The following GLIS1 variants were observed in gnomAD, a reference collection of about 807,000 sequenced individuals.
GLIS1 encodes zinc finger protein GLIS1.
GLIS1 carries 24 observed loss-of-function variants against 63.8 expected under a neutral mutation model. That is an observed-to-expected ratio of 0.38 (90% CI 0.27 to 0.53). The LOEUF is 0.53. Ranked by LOEUF, GLIS1 falls within the 20% of genes least tolerant of loss-of-function variation. The pLI is 0.85. For synonymous variants in GLIS1, 450 were observed against 482.5 expected, an observed-to-expected ratio of 0.93 and a Z score of 0.88; for missense variants, 1,036 against 1,074.1, an observed-to-expected ratio of 0.96 and a Z score of 0.50.
intron 2 of GLIS1, among the ~76,000 whole-genome samples, chr1:53,663,394 G>T (rs922922009): frequency 2.6e-5 from 4 of 152,218 alleles, no homozygotes; most frequent in African/African-American, 9.6e-5. Context: ...GACGGCAAGC[G>T]AACGGCTCCT....
At chr1:53,521,202 T>A (rs146668459) in intron 6 of GLIS1, among the ~76,000 whole-genome samples, 55 of 152,252 alleles carry the variant, frequency 3.6e-4, no homozygotes, top group African/African-American at 1.3e-3. Context: ...CCTGCCACAC[T>A]CAGTCATTGC....
intron 8 of GLIS1, 128 bp from the exon 9 acceptor site, chr1:53,510,155 C>A (rs1391710305): frequency 4.5e-6 from 2 of 442,226 alleles, no homozygotes; most frequent in South Asian, 2.5e-4. Context: ...CTCCGACTTA[C>A]AATAGTTAGA....
In GLIS1 at chr1:53,594,170, C is replaced by T. The variant is rs1445483291; in HGVS notation, c.1258G>A (p.Ala420Thr). Residue 420 changes from alanine (A) to threonine (T), a missense_variant, in exon 4 of 11, where the codon GCC becomes ACC. By Grantham distance (58) the Ala-to-Thr change is moderately conservative. Coordinates refer to ENST00000628545, the MANE Select transcript of GLIS1 (RefSeq NM_001367484.1). The stretch of plus-strand genomic sequence containing the variant: ...ATGTGGATGAGCAGCTTGTAGCGGG[C>T]GTTGAAGGGCTTGTAGCGGCGCACG... ...GCVRRYKPFN[A>T]RYKLLIHMRV... The T allele has an allele frequency of 2.5e-6, 4 of 1,613,944 alleles. No individual in the cohort carries two copies. The highest frequency in any genetic ancestry group is 4.5e-5 in the East Asian group (2 of 44,872).
intron 8 of GLIS1, among the ~76,000 whole-genome samples, chr1:53,512,272 A>T (rs1644304847): frequency 6.6e-6 from 1 of 152,164 alleles, no homozygotes; most frequent in Non-Finnish European, 1.5e-5. Flanking sequence ...ATGATTCCTA[A>T]ATCAAATATT....
At position 53,688,121 on chromosome 1, in the gene GLIS1, C is replaced by G. The variant is rs529999793; in HGVS notation, c.259+49685G>C. 7.5e-4 allele frequency among the ~76,000 whole-genome samples: 115 copies of G among 152,344 alleles called. No individual in the cohort carries two copies. The Middle Eastern group carries it at 0.014, about 18-fold the overall frequency. ...GTTTCCTGCTCGGCAGGCTCTGGCCCTGTGTGTGGCGTGCTGACACCCGCT... is the reference window on the plus strand; with the variant it reads ...GTTTCCTGCTCGGCAGGCTCTGGCCGTGTGTGTGGCGTGCTGACACCCGCT... On this transcript the variant is annotated intron_variant, in intron 2 of 10. Transcript: ENST00000628545.
At chr1:53,722,730 G>A (rs1193986528) in intron 2 of GLIS1, among the ~76,000 whole-genome samples, 4 of 151,678 alleles carry the variant, frequency 2.6e-5, no homozygotes, top group African/African-American at 9.7e-5. Flanking sequence ...GCTACTGGAA[G>A]GCTGAGGCGG....
chr1:53,585,529 G>A (rs1253817689), intron 4 of GLIS1, among the ~76,000 whole-genome samples: 1 of 149,230 alleles, frequency 6.7e-6, no homozygotes, highest in Non-Finnish European at 1.5e-5. Context: ...AGAAATGGGG[G>A]ATGGGGAATG....
chr1:53,571,603 G>GTC (rs1378035327), intron 4 of GLIS1, among the ~76,000 whole-genome samples: 3 of 151,788 alleles, frequency 2.0e-5, no homozygotes, highest in Non-Finnish European at 4.4e-5. Flanking sequence ...TTGAGACAGA[G>GTC]TCTCACTCTG....
In GLIS1 at chr1:53,539,546, A is replaced by C. The variant is rs1383919662; in HGVS notation, c.1321-9594T>G. On this transcript the variant is annotated intron_variant, in intron 4 of 10. Coordinates refer to ENST00000628545, the MANE Select transcript of GLIS1 (RefSeq NM_001367484.1). The surrounding 1 kb of genome is among the most constrained non-coding windows in gnomAD (Gnocchi z 5.0). ...CACACACACATACCACACGGTATACACCCCCCCACACACACTACACATCAT... is the reference window on the plus strand; with the variant it reads ...CACACACACATACCACACGGTATACCCCCCCCCACACACACTACACATCAT... Among the ~76,000 whole-genome samples the C allele has an allele frequency of 3.4e-5, 5 of 146,346 alleles. No individual in the cohort carries two copies. Among genetic ancestry groups the C allele is most frequent in the South Asian group, 2.2e-4 (1 of 4,618 alleles).
chr1:53,710,620 A>C (rs1034331930), intron 2 of GLIS1, among the ~76,000 whole-genome samples: 1 of 152,200 alleles, frequency 6.6e-6, no homozygotes, highest in African/African-American at 2.4e-5. Context: ...TTTCAACAAG[A>C]AGCACCTAGA....
chr1:53,707,428 G>T (rs1173590), intron 2 of GLIS1, among the ~76,000 whole-genome samples: 75,821 of 151,944 alleles, frequency 0.5, 20,534 homozygotes, highest in Non-Finnish European at 0.6. Flanking sequence ...AAGGCGGGTG[G>T]ATCATGAGGT....
intron 2 of GLIS1, among the ~76,000 whole-genome samples, chr1:53,679,848 G>C (rs549283969): frequency 6.6e-6 from 1 of 152,192 alleles, no homozygotes; most frequent in African/African-American, 2.4e-5. Flanking sequence ...TCTCCAGCTC[G>C]TTGGTCCTTT....
intron 7 of GLIS1, among the ~76,000 whole-genome samples, chr1:53,516,791 C>A (rs898351261): frequency 6.6e-6 from 1 of 151,004 alleles, no homozygotes; most frequent in Non-Finnish European, 1.5e-5. Context: ...CCAGCCTGGG[C>A]GACTCCATCT....
chr1:53,539,399 A>T lies in GLIS1; in HGVS notation c.1321-9447T>A, dbSNP rs1042213890. On this transcript the variant is annotated intron_variant, in intron 4 of 10. Transcript: ENST00000628545. This position sits in a 1 kb window ranked among gnomAD's most constrained non-coding sequence, Gnocchi z 5.0. ...ACATATCATACCACACACACACTCC[A>T]CAGCACATGAATGCACACCCCACAC... 1.3e-5 allele frequency among the ~76,000 whole-genome samples: 2 copies of T among 151,192 alleles called. No individual in the cohort carries two copies. Among genetic ancestry groups the T allele is most frequent in the African/African-American group, 4.9e-5 (2 of 41,050 alleles).
At chr1:53,662,811 A>G (rs115534956) in intron 2 of GLIS1, among the ~76,000 whole-genome samples, 2,384 of 152,296 alleles carry the variant, frequency 0.016, 46 homozygotes, top group African/African-American at 0.053. Context: ...AATAGTGACA[A>G]CTAATGCTTA....
At chr1:53,713,978 T>C (rs79018298) in intron 2 of GLIS1, among the ~76,000 whole-genome samples, 1,883 of 152,274 alleles carry the variant, frequency 0.012, 31 homozygotes, top group African/African-American at 0.043. Context: ...AGCTTTAGGG[T>C]GTGTGGCTGG....
intron 7 of GLIS1, among the ~76,000 whole-genome samples, chr1:53,516,791 C>T (rs898351261): frequency 2.0e-5 from 3 of 151,004 alleles, no homozygotes; most frequent in East Asian, 3.9e-4. Context: ...CCAGCCTGGG[C>T]GACTCCATCT....
intron 2 of GLIS1, among the ~76,000 whole-genome samples, chr1:53,602,162 G>A (rs377727802): frequency 6.6e-5 from 10 of 152,088 alleles, no homozygotes; most frequent in Non-Finnish European, 8.8e-5. Context: ...CCAGCCCCTC[G>A]CAAGCTTATG....
At chr1:53,517,661 G>A (rs1644366401) in intron 7 of GLIS1, among the ~76,000 whole-genome samples, 1 of 152,064 alleles carries the variant, frequency 6.6e-6, no homozygotes, top group Non-Finnish European at 1.5e-5. Flanking sequence ...GGTCTCCTGT[G>A]CAGAAGAGAA....
Sources: gnomAD v4.1 joint callset for allele counts (sites outside exome capture counted in the v4.1 genomes callset) on GRCh38, gnomAD v4.1.1 for gene constraint, Gnocchi (gnomAD v3.1) non-coding constraint, MANE v1.5 for transcripts, NCBI Gene and HGNC (gene_info 2026-07-23, HGNC 2026-07-21) for gene names.